The following SORCS1 variants were observed in gnomAD, a reference collection of about 807,000 sequenced individuals.
SORCS1 encodes VPS10 domain-containing receptor SorCS1.
Under a neutral mutation model 146.1 loss-of-function variants are expected in SORCS1, and 60 were observed. That is an observed-to-expected ratio of 0.41 (90% CI 0.33 to 0.51). The LOEUF (loss-of-function observed/expected upper bound fraction) is 0.51. Among genes scored for constraint, SORCS1 ranks in the 20% least tolerant of loss-of-function variants. The pLI is 0.21. For missense variants in SORCS1, 1,352 were observed against 1,487.6 expected, an observed-to-expected ratio of 0.91 and a Z score of 1.50; for synonymous variants, 637 against 584.0, an observed-to-expected ratio of 1.09 and a Z score of -1.31.
At chr10:106,725,505 C>T (rs1382816296) in intron 6 of SORCS1, among the ~76,000 whole-genome samples, 1 of 150,256 alleles carries the variant, frequency 6.7e-6, no homozygotes, top group East Asian at 2.0e-4. Flanking sequence ...GAGCTGAGAT[C>T]GCGCCATTAC....
chr10:106,672,285 G>C (rs1851666735), intron 15 of SORCS1, among the ~76,000 whole-genome samples: 1 of 152,160 alleles, frequency 6.6e-6, no homozygotes, highest in Non-Finnish European at 1.5e-5. Flanking sequence ...AATCAAGGGA[G>C]AGACACTTCC....
chr10:107,112,810 A>T (rs1965781282), intron 1 of SORCS1, among the ~76,000 whole-genome samples: 1 of 152,212 alleles, frequency 6.6e-6, no homozygotes, highest in African/African-American at 2.4e-5. Flanking sequence ...TGATGATAAC[A>T]ATTGTAAATA....
At chr10:106,980,516 G>A (rs2139338843) in intron 1 of SORCS1, among the ~76,000 whole-genome samples, 1 of 152,232 alleles carries the variant, frequency 6.6e-6, no homozygotes, top group Non-Finnish European at 1.5e-5. Flanking sequence ...GTGCTAAGTC[G>A]ACCAACTTTC....
intron 24 of SORCS1, among the ~76,000 whole-genome samples, chr10:106,592,536 A>C (rs1284720595): frequency 6.6e-6 from 1 of 152,240 alleles, no homozygotes; most frequent in African/African-American, 2.4e-5. Flanking sequence ...ACTCTGGCTC[A>C]AACATTTTTA....
intron 2 of SORCS1, among the ~76,000 whole-genome samples, chr10:106,836,288 C>T (rs536340636): frequency 7.4e-4 from 113 of 151,998 alleles, no homozygotes; most frequent in African/African-American, 2.7e-3. Context: ...TCCTGGCTAA[C>T]ACGGTGAAAC....
At chr10:106,609,649 C>T (rs1394311092) in intron 22 of SORCS1, among the ~76,000 whole-genome samples, 1 of 152,240 alleles carries the variant, frequency 6.6e-6, no homozygotes, top group Non-Finnish European at 1.5e-5. Context: ...ACCACCACCA[C>T]TGCTATAACC....
At chr10:106,778,353 T>C (rs1199273309) in intron 3 of SORCS1, among the ~76,000 whole-genome samples, 1 of 152,104 alleles carries the variant, frequency 6.6e-6, no homozygotes, top group Non-Finnish European at 1.5e-5. Context: ...TTGTACCATG[T>C]TCCAGGAAAG....
chr10:106,709,389 C>G, intron 6 of SORCS1, 48 bp from the exon 7 acceptor site: 1 of 1,166,376 alleles, frequency 8.6e-7, no homozygotes, highest in Non-Finnish European at 1.3e-6. Flanking sequence ...GGGGGATATA[C>G]AGACAGAGAT....
rs533536362 is a variant in SORCS1, at chr10:106,724,563, C to A, written c.1024+5487G>T. On this transcript the variant is annotated intron_variant, in intron 6 of 25. Coordinates refer to ENST00000263054, the MANE Select transcript of SORCS1 (RefSeq NM_052918.5). The stretch of plus-strand genomic sequence containing the variant: ...AAAAAATAAAAATAAAGATATAATT[C>A]TTTTTTCTCATGTAAAAAACTAAAG... 5.3e-5 allele frequency among the ~76,000 whole-genome samples: 8 copies of A among 151,896 alleles called. 1 individual carries two copies. The South Asian group carries it at 1.5e-3, about 28-fold the overall frequency.
intron 1 of SORCS1, among the ~76,000 whole-genome samples, chr10:107,040,155 C>T (rs185529654): frequency 1.3e-5 from 2 of 152,164 alleles, no homozygotes; most frequent in East Asian, 3.9e-4. Context: ...CTGTTATCAC[C>T]GCACTAACCA....
At chr10:106,927,256 G>T (rs970608168) in intron 2 of SORCS1, among the ~76,000 whole-genome samples, 3 of 152,072 alleles carry the variant, frequency 2.0e-5, no homozygotes, top group Non-Finnish European at 4.4e-5. Flanking sequence ...GGATGTGTTC[G>T]GAGTTTCTTC....
At chr10:106,620,319 A>G (rs1269173780) in intron 20 of SORCS1, 109 bp downstream of exon 20, 12 of 1,405,050 alleles carry the variant, frequency 8.5e-6, no homozygotes, top group Middle Eastern at 1.9e-4. Context: ...CCTTGAAGCT[A>G]CAACTGCTTC....
intron 3 of SORCS1, among the ~76,000 whole-genome samples, chr10:106,823,976 TC>T (rs1180709722): frequency 6.6e-6 from 1 of 152,158 alleles, no homozygotes; most frequent in Non-Finnish European, 1.5e-5. Flanking sequence ...AGGTGGCAGA[TC>T]CTATCAACCA....
chr10:106,858,657 G>A (rs1213000239), intron 2 of SORCS1, among the ~76,000 whole-genome samples: 2 of 151,574 alleles, frequency 1.3e-5, no homozygotes, highest in Non-Finnish European at 2.9e-5. Flanking sequence ...ATTTGATTGG[G>A]GTTGTGTGCA....
chr10:106,581,898 G>C (rs1040199833), intron 24 of SORCS1, among the ~76,000 whole-genome samples: 4 of 152,138 alleles, frequency 2.6e-5, no homozygotes, highest in African/African-American at 7.2e-5. Context: ...ATGGAGGCTC[G>C]GAAGGGGCCA....
chr10:107,152,618 C>T (rs1968916067), intron 1 of SORCS1, among the ~76,000 whole-genome samples: 1 of 152,064 alleles, frequency 6.6e-6, no homozygotes, highest in African/African-American at 2.4e-5. Flanking sequence ...AGGGGCTTTC[C>T]CCCCACTTCA....
At chr10:106,936,494 T>C (rs1386615490) in intron 2 of SORCS1, among the ~76,000 whole-genome samples, 1 of 152,216 alleles carries the variant, frequency 6.6e-6, no homozygotes, top group East Asian at 1.9e-4. Flanking sequence ...GAAGAATGTA[T>C]GGAACATGCC....
intron 1 of SORCS1, among the ~76,000 whole-genome samples, chr10:107,096,740 G>C (rs1389605133): frequency 6.6e-6 from 1 of 152,106 alleles, no homozygotes; most frequent in African/African-American, 2.4e-5. Context: ...TCGAACTCCT[G>C]ACCTCAGGTG....
At chr10:106,813,100 A>G (rs1036140280) in intron 3 of SORCS1, among the ~76,000 whole-genome samples, 3 of 134,972 alleles carry the variant, frequency 2.2e-5, no homozygotes, top group Non-Finnish European at 4.9e-5. Flanking sequence ...GGACAGGCGC[A>G]TTTCTTTGTT....
Sources: allele counts gnomAD v4.1 joint callset (sites outside exome capture counted in the v4.1 genomes callset), GRCh38; gene constraint gnomAD v4.1.1; transcripts MANE v1.5; gene names NCBI Gene and HGNC (gene_info 2026-07-23, HGNC 2026-07-21).